LTA4H: variants seen among roughly 807,000 people sequenced by gnomAD.
LTA4H encodes the protein leukotriene A-4 hydrolase.
In LTA4H, 59 loss-of-function variants were observed where a neutral mutation model predicts 89.8. That is an observed-to-expected ratio of 0.66 (90% CI 0.53 to 0.82). The LOEUF (loss-of-function observed/expected upper bound fraction) is 0.82. Ranked by LOEUF, LTA4H falls within the 40% of genes least tolerant of loss-of-function variation. LTA4H has a pLI of 0.00. For synonymous variants in LTA4H, 227 were observed against 253.1 expected, an observed-to-expected ratio of 0.90 and a Z score of 0.98; for missense variants, 617 against 727.0, an observed-to-expected ratio of 0.85 and a Z score of 1.74.
At chr12:96,035,683 G>GA (rs1345935536), upstream of LTA4H, 12 of 1,420,942 alleles carry the variant, frequency 8.4e-6, no homozygotes, top group South Asian at 3.1e-5. Flanking sequence ...AGCGTTGGGG[G>GA]ATGGGTGAAG....
intron 1 of LTA4H, among the ~76,000 whole-genome samples, chr12:96,031,699 A>G (rs1376225145): frequency 6.6e-6 from 1 of 152,186 alleles, no homozygotes; most frequent in African/African-American, 2.4e-5. Context: ...GCTCCATGTC[A>G]ACCCTGTGGC....
intron 3 of LTA4H, among the ~76,000 whole-genome samples, chr12:96,026,457 C>G (rs375761768): frequency 9.2e-5 from 14 of 152,258 alleles, no homozygotes; most frequent in East Asian, 3.9e-4. Context: ...TTCTTGCCAA[C>G]TTTGGTTAAT....
At chr12:96,007,220 C>G (rs1456384239) in intron 15 of LTA4H, among the ~76,000 whole-genome samples, 2 of 152,004 alleles carry the variant, frequency 1.3e-5, no homozygotes, top group African/African-American at 4.8e-5. Flanking sequence ...TTGCATCTTC[C>G]CCCTCTTCAG....
chr12:96,004,399 T>C lies in LTA4H; in HGVS notation c.1531-479A>G, dbSNP rs182952902. Among the ~76,000 whole-genome samples, 8 of 152,310 alleles carry C rather than the reference T, an allele frequency of 5.3e-5. No individual in the cohort carries two copies. The East Asian group carries it at 1.4e-3, about 26-fold the overall frequency. ...CATAATAGCAGTTCTTAAATGTTTGTATTATAGATCTCTTTGGGAATCTGA... is the reference window on the plus strand; with the variant it reads ...CATAATAGCAGTTCTTAAATGTTTGCATTATAGATCTCTTTGGGAATCTGA... On this transcript the variant is annotated intron_variant, in intron 16 of 18. Coordinates refer to ENST00000228740, the MANE Select transcript of LTA4H (RefSeq NM_000895.3).
At chr12:96,019,695 C>T (rs992667163) in intron 6 of LTA4H, among the ~76,000 whole-genome samples, 2 of 151,058 alleles carry the variant, frequency 1.3e-5, no homozygotes, top group African/African-American at 4.9e-5. Context: ...AGGTTCACAC[C>T]ATTCTCCTGC....
At chr12:96,004,139 T>C (rs1245462007) in intron 16 of LTA4H, among the ~76,000 whole-genome samples, 1 of 152,220 alleles carries the variant, frequency 6.6e-6, no homozygotes, top group African/African-American at 2.4e-5. Flanking sequence ...ATAATTTACT[T>C]TGTGAAGTAT....
chr12:96,016,647 T>A (rs1950379501), intron 10 of LTA4H, among the ~76,000 whole-genome samples: 1 of 150,472 alleles, frequency 6.6e-6, no homozygotes, highest in Non-Finnish European at 1.5e-5. Flanking sequence ...ACACCTGTAA[T>A]CCTAGCACTT....
Position 96,043,478 on chromosome 12 carries a change from G to T in LTA4H, c.-103C>A, listed in dbSNP as rs536024917. ...CCTTGTTGCTTTAAAAGACAAACAT[G>T]CGCCTGTAGTCCCAGCTACTCGGGA... On this transcript the variant is annotated 5_prime_UTR_variant, in exon 1 of 18. Coordinates refer to the LTA4H transcript ENST00000413268. 1.9e-4 allele frequency: 138 copies of T among 726,122 alleles called. 1 individual carries two copies. Among genetic ancestry groups the T allele is most frequent in the East Asian group, 1.8e-3 (65 of 36,952 alleles). 45.0% of individuals were successfully genotyped at this position (726,122 alleles called of 1,614,324 possible). A position where few individuals can be genotyped will look rare whatever the true frequency, so the allele number is the denominator to read the frequency against.
chr12:96,011,670 T>A (rs1950303108), intron 14 of LTA4H: 1 of 152,224 alleles, frequency 6.6e-6, no homozygotes, highest in Non-Finnish European at 1.5e-5. Flanking sequence ...ATCATATTAG[T>A]GCCTGACAAT....
chr12:96,040,192 C>T (rs187561533), upstream of LTA4H, among the ~76,000 whole-genome samples: 2 of 152,098 alleles, frequency 1.3e-5, no homozygotes, highest in East Asian at 3.9e-4. Context: ...GGAATCAAGG[C>T]GTGGGGCCAG....
At chr12:96,028,659 G>A (rs1950538836) in intron 2 of LTA4H, among the ~76,000 whole-genome samples, 1 of 152,074 alleles carries the variant, frequency 6.6e-6, no homozygotes, top group African/African-American at 2.4e-5. Flanking sequence ...TTCTATCTTT[G>A]GCATTATCAT....
At chr12:96,027,066 A>C (rs141426832) in intron 3 of LTA4H, among the ~76,000 whole-genome samples, 1,739 of 152,314 alleles carry the variant, frequency 0.011, 24 homozygotes, top group South Asian at 0.074. Context: ...TGGAAATTAA[A>C]TCTTTCACTT....
In LTA4H at chr12:96,035,439, G is replaced by A. The variant is rs374916166; in HGVS notation, c.81C>T (p.Ser27=). Residue 27 remains serine (S), a synonymous_variant, in exon 1 of 19, where the codon AGC becomes AGT. Coordinates refer to ENST00000228740, the MANE Select transcript of LTA4H (RefSeq NM_000895.3). ...CRTKHLHLRC[S]VDFTRRTLTG... ...TCAGCGTCCGGCGAGTAAAGTCGACGCTGCAGCGCAGGTGCAGGTGCTTGG... is the reference window on the plus strand; with the variant it reads ...TCAGCGTCCGGCGAGTAAAGTCGACACTGCAGCGCAGGTGCAGGTGCTTGG... The A allele has an allele frequency of 2.7e-5, 44 of 1,610,148 alleles. No individual in the cohort carries two copies. The highest frequency in any genetic ancestry group is 3.6e-5 in the Non-Finnish European group (42 of 1,178,310).
chr12:96,033,659 T>A (rs1950601066), intron 1 of LTA4H, among the ~76,000 whole-genome samples: 1 of 152,100 alleles, frequency 6.6e-6, no homozygotes, highest in African/African-American at 2.4e-5. Flanking sequence ...GCTGCACCCA[T>A]CAACCCGTCA....
At chr12:96,019,316 C>A in intron 6 of LTA4H, 76 bp from the exon 7 acceptor site, 1 of 1,253,248 alleles carries the variant, frequency 8.0e-7, no homozygotes, top group Non-Finnish European at 1.1e-6. Context: ...TAGTTAATGT[C>A]TTGTAGACAA....
intron 1 of LTA4H, among the ~76,000 whole-genome samples, chr12:96,030,295 C>G (rs1950558303): frequency 6.6e-6 from 1 of 152,026 alleles, no homozygotes; most frequent in Non-Finnish European, 1.5e-5. Context: ...CTTTGATTTT[C>G]TTGCCATATC....
upstream of LTA4H, among the ~76,000 whole-genome samples, chr12:96,036,816 C>T (rs182604052): frequency 2.0e-5 from 3 of 152,302 alleles, no homozygotes; most frequent in Non-Finnish European, 4.4e-5. Flanking sequence ...AATTGGTTTA[C>T]AGTTACGCAG....
intron 12 of LTA4H, 118 bp downstream of exon 12, chr12:96,014,737 G>C (rs1029531217): frequency 2.1e-6 from 2 of 934,544 alleles, no homozygotes; most frequent in African/African-American, 1.7e-5. Context: ...TTCTTCAGCA[G>C]CTACATCCAG....
intron 18 of LTA4H, among the ~76,000 whole-genome samples, chr12:96,001,948 C>A (rs1387730665): frequency 1.3e-5 from 2 of 151,972 alleles, no homozygotes; most frequent in African/African-American, 4.8e-5. Flanking sequence ...ACCTCTGCCT[C>A]CCGGGTTCAA....
Sources: allele counts gnomAD v4.1 joint callset (sites outside exome capture counted in the v4.1 genomes callset), GRCh38; gene constraint gnomAD v4.1.1; transcripts MANE v1.5; gene names NCBI Gene and HGNC (gene_info 2026-07-23, HGNC 2026-07-21).